CHD1L: variants seen among roughly 807,000 people sequenced by gnomAD.
CHD1L encodes the protein ATP-dependent chromatin remodeler CHD1L.
CHD1L carries 118 observed loss-of-function variants against 115.9 expected under a neutral mutation model. The observed-to-expected ratio is 1.02, with a 90% CI of 0.88 to 1.19. The LOEUF (loss-of-function observed/expected upper bound fraction) is 1.19. CHD1L is among the 50% of genes most tolerant of loss of function. CHD1L has a pLI of 0.00. For missense variants in CHD1L, 1,179 were observed against 1,065.3 expected (o/e 1.11, Z -1.49); for synonymous variants, 411 against 387.1 (o/e 1.06, Z -0.72).
At chr1:147,257,438 C>T (rs1388174413) in intron 5 of CHD1L, among the ~76,000 whole-genome samples, 1 of 152,028 alleles carries the variant, frequency 6.6e-6, no homozygotes, top group Non-Finnish European at 1.5e-5. Context: ...TTAAGATATA[C>T]ATTCCCTCTC....
chr1:147,271,266 ATGT>A (rs1280866114), intron 11 of CHD1L, among the ~76,000 whole-genome samples: 9 of 152,178 alleles, frequency 5.9e-5, no homozygotes, highest in Non-Finnish European at 1.0e-4. Flanking sequence ...CGTGGAGCAA[ATGT>A]TGTGGAAATG....
Position 147,293,734 on chromosome 1 carries a change from C to T in CHD1L, c.2506+12C>T, listed in dbSNP as rs1337270642. On this transcript the variant is annotated intron_variant, in intron 21 of 22. Transcript: ENST00000369258. ...AAAAAAGAAGAAAGGTAAGCTCTTC[C>T]ACCTGTGCTCAAGAGTAGATGAATT... is the stretch of plus-strand genomic sequence containing the variant. 1.9e-6 allele frequency: 3 copies of T among 1,593,458 alleles called. No individual in the cohort carries two copies. In the East Asian group the frequency reaches 6.7e-5, roughly 36 times the overall value.
At chr1:147,233,492 C>T in the CHD1L span, among the ~76,000 whole-genome samples, 4 of 148,660 alleles carry the variant, frequency 2.7e-5, no homozygotes, top group Non-Finnish European at 4.5e-5. Context: ...GCCCCCCGCC[C>T]GGCCAGCCGC....
At chr1:147,198,353 G>C in the CHD1L span, among the ~76,000 whole-genome samples, 1 of 152,070 alleles carries the variant, frequency 6.6e-6, no homozygotes, top group Non-Finnish European at 1.5e-5. Context: ...TACTTAAGGA[G>C]CTATCACTAT....
At chr1:147,255,767 C>T (rs1463630675) in intron 3 of CHD1L, 46 bp from the exon 4 acceptor site, 1 of 1,348,298 alleles carries the variant, frequency 7.4e-7, no homozygotes. Flanking sequence ...CATCCTGTCA[C>T]ATGGATCTAG....
At chr1:147,238,917 C>T (rs1356873745), upstream of CHD1L, among the ~76,000 whole-genome samples, 1 of 152,150 alleles carries the variant, frequency 6.6e-6, no homozygotes, top group Non-Finnish European at 1.5e-5. Flanking sequence ...CAGACTTCAT[C>T]TTGGCTCTTT....
chr1:147,189,335 G>C, the CHD1L span, among the ~76,000 whole-genome samples: 1 of 152,104 alleles, frequency 6.6e-6, no homozygotes, highest in Non-Finnish European at 1.5e-5. Context: ...GGCTTAGGGA[G>C]GCAGCAAAAG....
chr1:147,183,390 TTTAA>T, the CHD1L span, among the ~76,000 whole-genome samples: 1 of 152,228 alleles, frequency 6.6e-6, no homozygotes, highest in Non-Finnish European at 1.5e-5. Flanking sequence ...AATGTATTCA[TTTAA>T]TTAATTAATT....
At chr1:147,250,878 A>G (rs1278306533) in intron 1 of CHD1L, among the ~76,000 whole-genome samples, 1 of 151,990 alleles carries the variant, frequency 6.6e-6, no homozygotes, top group East Asian at 1.9e-4. Flanking sequence ...CCACGTGTCA[A>G]GGGTGGTGCC....
Position 147,269,667 on chromosome 1 carries a change from C to CAAAA in CHD1L, c.1085+806_1085+809dup, listed in dbSNP as rs10649680. On this transcript the variant is annotated intron_variant, in intron 10 of 22. Coordinates refer to ENST00000369258, the MANE Select transcript of CHD1L (RefSeq NM_004284.6). Reference sequence around the variant, plus strand: ...CTGGTGACAGAGCGAGGCTCCATCTCAAAAAAAAAAAAAAAAAAAAGACCA... The same window carrying CAAAA: ...CTGGTGACAGAGCGAGGCTCCATCTCAAAAAAAAAAAAAAAAAAAAAAAAGACCA... Among the ~76,000 whole-genome samples the CAAAA allele has an allele frequency of 4.1e-3, 380 of 92,860 alleles. 10 individuals carry two copies. The highest frequency in any genetic ancestry group is 0.014 in the African/African-American group (319 of 22,742). The allele number at this position is 92,860 out of a possible 152,430, so 60.9% of individuals were successfully genotyped here. A position where few individuals can be genotyped will look rare whatever the true frequency, so the allele number is the denominator to read the frequency against.
At chr1:147,294,986 G>C (rs1687008479) in intron 22 of CHD1L, among the ~76,000 whole-genome samples, 1 of 152,172 alleles carries the variant, frequency 6.6e-6, no homozygotes, top group South Asian at 2.1e-4. Flanking sequence ...ATGAAGTCAT[G>C]ATCTACTTTA....
At chr1:147,193,780 G>T in the CHD1L span, among the ~76,000 whole-genome samples, 1 of 152,148 alleles carries the variant, frequency 6.6e-6, no homozygotes, top group African/African-American at 2.4e-5. Context: ...TAGTCATTCA[G>T]GAGCAGGTTG....
the CHD1L span, among the ~76,000 whole-genome samples, chr1:147,234,362 C>A: frequency 6.6e-6 from 1 of 152,188 alleles, no homozygotes; most frequent in South Asian, 2.1e-4. Context: ...CAACAGCATC[C>A]ATTCTATGCC....
the CHD1L span, among the ~76,000 whole-genome samples, chr1:147,193,277 A>T: frequency 6.6e-6 from 1 of 151,790 alleles, no homozygotes; most frequent in East Asian, 1.9e-4. Context: ...TTTCTTCTAG[A>T]TTTTCTAGTT....
chr1:147,237,586 C>A, the CHD1L span, among the ~76,000 whole-genome samples: 1 of 152,188 alleles, frequency 6.6e-6, no homozygotes, highest in Non-Finnish European at 1.5e-5. Context: ...CTGGTTCCCC[C>A]AGCTCCATGG....
At position 147,276,211 on chromosome 1, in the gene CHD1L, A is replaced by C; in HGVS notation, c.1493A>C (p.His498Pro). ...ACCAACATGATCATAGAAGGAGGCCATTTTACTCTGGGAGCCCAGAAACCC... is the reference window on the plus strand; with the variant it reads ...ACCAACATGATCATAGAAGGAGGCCCTTTTACTCTGGGAGCCCAGAAACCC... The part of the protein sequence containing the change: ...QLTNMIIEGG[H>P]FTLGAQKPAA... The change falls in exon 14 of 23, where the codon CAT becomes CCT. Residue 498 changes from histidine to proline, a missense_variant. Transcript: ENST00000369258. The C allele has an allele frequency of 6.2e-7, 1 of 1,614,174 alleles. No individual in the cohort carries two copies. The highest frequency in any genetic ancestry group is 8.5e-7 in the Non-Finnish European group (1 of 1,180,022).
At chr1:147,245,934 G>GCAATGATGGTACACTT (rs1553933543) in intron 1 of CHD1L, among the ~76,000 whole-genome samples, 3 of 152,098 alleles carry the variant, frequency 2.0e-5, no homozygotes, top group Non-Finnish European at 2.9e-5. Flanking sequence ...GTGTACACTT[G>GCAATGATGGTACACTT]CAATGATGGT....
At chr1:147,261,195 CCTT>C (rs1421280325) in intron 6 of CHD1L, among the ~76,000 whole-genome samples, 7 of 152,246 alleles carry the variant, frequency 4.6e-5, no homozygotes, top group African/African-American at 1.4e-4. Flanking sequence ...AACAGTATCT[CCTT>C]CTGAGAGCTT....
chr1:147,267,460 A>G lies in CHD1L; in HGVS notation c.930A>G (p.Lys310=). ...AFENETAKKV[K]LQNILSQLRK... is the part of the protein sequence containing the mutation. ...AAAATGAGACGGCAAAGAAAGTTAA[A>G]CTACAGAACATTTTGTCCCAGCTTC... is the stretch of plus-strand genomic sequence containing the variant. Residue 310 remains lysine, a synonymous_variant, in exon 9 of 23, where the codon AAA becomes AAG. Coordinates refer to ENST00000369258, the MANE Select transcript of CHD1L (RefSeq NM_004284.6). 2 of 1,613,092 alleles carry G rather than the reference A, an allele frequency of 1.2e-6. No individual in the cohort carries two copies. Among genetic ancestry groups the G allele is most frequent in the Non-Finnish European group, 1.7e-6 (2 of 1,179,494 alleles).
Sources: allele counts gnomAD v4.1 joint callset (sites outside exome capture counted in the v4.1 genomes callset), GRCh38; gene constraint gnomAD v4.1.1; transcripts MANE v1.5; gene names NCBI Gene and HGNC (gene_info 2026-07-23, HGNC 2026-07-21).